The following TFEC variants were observed in gnomAD, a reference collection of about 807,000 sequenced individuals.
TFEC encodes the protein transcription factor EC, also known as class E basic helix-loop-helix protein 34.
TFEC carries 31 observed loss-of-function variants against 41.6 expected under a neutral mutation model. That is an observed-to-expected ratio of 0.74 (90% confidence interval 0.56 to 1.01). TFEC has a LOEUF of 1.01. TFEC is among the 50% of genes least tolerant of loss of function. The pLI, the probability that TFEC is intolerant of heterozygous loss-of-function variation, is 0.00. For synonymous variants in TFEC, 143 were observed against 140.6 expected (o/e 1.02, Z -0.12); for missense variants, 402 against 404.1 (o/e 0.99, Z 0.04).
At chr7:116,094,101 T>C (rs1253040207) in intron 3 of TFEC, among the ~76,000 whole-genome samples, 1 of 152,142 alleles carries the variant, frequency 6.6e-6, no homozygotes, top group African/African-American at 2.4e-5. Flanking sequence ...ACCAACAGAA[T>C]AACATATGAG....
At chr7:116,015,924 G>T (rs1554630) in intron 1 of TFEC, among the ~76,000 whole-genome samples, 126,859 of 152,142 alleles carry the variant, frequency 0.83, 53,171 homozygotes, top group Non-Finnish European at 0.88. Flanking sequence ...AGACACAAAC[G>T]TGGTGGCCAG....
rs1431693958 is a variant in TFEC at position 115,939,631 on chromosome 7, G to A, written c.*920C>T. 1 of 151,846 alleles carries A rather than the reference G, an allele frequency of 6.6e-6. No homozygotes were observed. Among genetic ancestry groups the A allele is most frequent in the African/African-American group, 2.4e-5 (1 of 41,372 alleles). 9.4% of individuals were successfully genotyped at this position (151,846 alleles called of 1,614,324 possible). A position where few individuals can be genotyped will look rare whatever the true frequency, so the allele number is the denominator to read the frequency against. ...GTACCTGAAAACTGTCCTTGCAGGG[G>A]GACATTTTATATTTTATTTACTAAA... On this transcript the variant is annotated 3_prime_UTR_variant, in exon 8 of 8. Transcript: ENST00000265440.
chr7:116,109,072 T>G (rs898878699), intron 3 of TFEC, among the ~76,000 whole-genome samples: 1 of 151,886 alleles, frequency 6.6e-6, no homozygotes, highest in Non-Finnish European at 1.5e-5. Flanking sequence ...AAAAATTAAT[T>G]CAAGATGGAT....
At chr7:116,114,105 T>A (rs1198726314) in intron 1 of TFEC, among the ~76,000 whole-genome samples, 2 of 152,104 alleles carry the variant, frequency 1.3e-5, no homozygotes, top group Admixed American at 1.3e-4. Flanking sequence ...TTAGTAACCA[T>A]TATTAATAGT....
At chr7:115,959,167 A>T (rs1157972468) in intron 3 of TFEC, among the ~76,000 whole-genome samples, 1 of 151,846 alleles carries the variant, frequency 6.6e-6, no homozygotes, top group Non-Finnish European at 1.5e-5. Context: ...TTGATGTGAC[A>T]ATAGGCAAAC....
At chr7:115,978,446 C>G (rs892026247) in intron 2 of TFEC, among the ~76,000 whole-genome samples, 7 of 152,144 alleles carry the variant, frequency 4.6e-5, no homozygotes, top group Admixed American at 3.3e-4. Flanking sequence ...ATCTTAAAAT[C>G]CATGATCTTA....
chr7:116,077,255 C>T (rs1479526104), intron 3 of TFEC, among the ~76,000 whole-genome samples: 2 of 152,124 alleles, frequency 1.3e-5, no homozygotes, highest in African/African-American at 4.8e-5. Context: ...CAAACCAGTA[C>T]TACAAGAACT....
intron 3 of TFEC, among the ~76,000 whole-genome samples, chr7:116,108,550 G>A (rs1048509971): frequency 6.6e-6 from 1 of 151,930 alleles, no homozygotes; most frequent in Non-Finnish European, 1.5e-5. Flanking sequence ...TCAAAAGCAG[G>A]TGCTCAAAAT....
In TFEC at chr7:116,152,366, G is replaced by A. The variant is rs116337106; in HGVS notation, c.-69+7424C>T. ...CTTTTTGAATTGAGAAGACAGAGAT[G>A]AGAATTTGGGAGGCTCAATGCAGTT... is the stretch of plus-strand genomic sequence containing the variant. On this transcript the variant is annotated intron_variant, in intron 1 of 8. Coordinates refer to the TFEC transcript ENST00000484212. 4.7e-3 allele frequency among the ~76,000 whole-genome samples: 714 copies of A among 152,318 alleles called. 4 individuals carry two copies. Among genetic ancestry groups the A allele is most frequent in the African/African-American group, 0.016 (673 of 41,568 alleles).
At chr7:116,044,861 A>G (rs1796126306) in intron 3 of TFEC, among the ~76,000 whole-genome samples, 1 of 152,196 alleles carries the variant, frequency 6.6e-6, no homozygotes. Flanking sequence ...TTTTTCCCCC[A>G]AATTTATTTC....
intron 2 of TFEC, chr7:116,111,885 T>A: frequency 2.3e-6 from 1 of 437,852 alleles, no homozygotes; most frequent in Non-Finnish European, 3.0e-6. Flanking sequence ...GGTTTTAGTG[T>A]TTATAAGATA....
chr7:116,115,679 G>C (rs909922106), intron 1 of TFEC, among the ~76,000 whole-genome samples: 1 of 151,964 alleles, frequency 6.6e-6, no homozygotes. Context: ...GCCATGTATA[G>C]TAACATCCAC....
intron 3 of TFEC, among the ~76,000 whole-genome samples, chr7:116,037,791 T>C (rs1223587446): frequency 6.6e-6 from 1 of 152,002 alleles, no homozygotes; most frequent in Non-Finnish European, 1.5e-5. Context: ...GTAAGCATAA[T>C]ATTAGTAAAC....
intron 3 of TFEC, among the ~76,000 whole-genome samples, chr7:116,068,554 A>C (rs1268740799): frequency 6.6e-6 from 1 of 151,670 alleles, no homozygotes; most frequent in African/African-American, 2.4e-5. Flanking sequence ...CTACAGTCAT[A>C]TTTTTTCAAC....
intron 3 of TFEC, among the ~76,000 whole-genome samples, chr7:115,958,914 C>A (rs1338729437): frequency 6.6e-6 from 1 of 151,726 alleles, no homozygotes; most frequent in African/African-American, 2.4e-5. Context: ...ACCTAAAGTG[C>A]ATTTTCTCCA....
At chr7:116,147,752 A>G (rs1798673256) in intron 1 of TFEC, among the ~76,000 whole-genome samples, 1 of 152,150 alleles carries the variant, frequency 6.6e-6, no homozygotes, top group Admixed American at 6.5e-5. Context: ...TACTAACAAA[A>G]ATGTAGCTGT....
chr7:116,125,338 T>C (rs1391830904), intron 1 of TFEC, among the ~76,000 whole-genome samples: 1 of 152,152 alleles, frequency 6.6e-6, no homozygotes, highest in African/African-American at 2.4e-5. Context: ...TTCCTTTTAG[T>C]ATGATGTATA....
intron 6 of TFEC, among the ~76,000 whole-genome samples, chr7:115,947,811 G>A (rs1476147131): frequency 6.6e-6 from 1 of 151,770 alleles, no homozygotes; most frequent in East Asian, 1.9e-4. Flanking sequence ...TGTAGATTCT[G>A]GATATTAGCC....
chr7:115,956,008 C>G (rs1695501328), intron 4 of TFEC, among the ~76,000 whole-genome samples: 2 of 151,876 alleles, frequency 1.3e-5, no homozygotes, highest in South Asian at 4.1e-4. Context: ...TAACACTGGA[C>G]TTGGAAGTCA....
Sources: gnomAD v4.1 joint callset for allele counts (sites outside exome capture counted in the v4.1 genomes callset) on GRCh38, gnomAD v4.1.1 for gene constraint, MANE v1.5 for transcripts, NCBI Gene and HGNC (gene_info 2026-07-23, HGNC 2026-07-21) for gene names.